Variants in MBNL1 observed in about 807,000 individuals in gnomAD.
MBNL1 encodes the protein muscleblind like splicing regulator 1, also known as muscleblind-like protein 1.
A neutral mutation model predicts 42.2 loss-of-function variants in MBNL1; 8 were observed. The ratio of observed to expected loss-of-function variants is 0.19; its 90% CI spans 0.11 to 0.34. The LOEUF is 0.34. Among genes scored for constraint, MBNL1 ranks in the 10% least tolerant of loss-of-function variants. The pLI is 1.00. For synonymous variants in MBNL1, 169 were observed against 173.9 expected (o/e 0.97, Z 0.22); for missense variants, 309 against 495.3 (o/e 0.62, Z 3.57).
At chr3:152,377,043 C>T (rs2096938150) in intron 2 of MBNL1, among the ~76,000 whole-genome samples, 2 of 152,022 alleles carry the variant, frequency 1.3e-5, no homozygotes, top group African/African-American at 4.8e-5. Flanking sequence ...AAAACAAAGC[C>T]CCAAAACTGT....
intron 2 of MBNL1, among the ~76,000 whole-genome samples, chr3:152,312,153 C>T (rs1449898631): frequency 7.2e-6 from 1 of 138,340 alleles, no homozygotes; most frequent in Non-Finnish European, 1.5e-5. Context: ...GATCCCGCCA[C>T]TGCACTCCAG....
At chr3:152,266,073 A>G (rs2037181593), upstream of MBNL1, 2 of 152,222 alleles carry the variant, frequency 1.3e-5, no homozygotes, top group Non-Finnish European at 2.9e-5. Flanking sequence ...TTTAAATATT[A>G]TCATTCATGT....
intron 1 of MBNL1, among the ~76,000 whole-genome samples, chr3:152,298,791 T>C (rs1190361720): frequency 6.6e-6 from 1 of 152,128 alleles, no homozygotes; most frequent in Non-Finnish European, 1.5e-5. Flanking sequence ...AACACCCCTT[T>C]CCTTTTTTAT....
At chr3:152,461,320 G>A (rs1745400622) in intron 9 of MBNL1, among the ~76,000 whole-genome samples, 1 of 152,138 alleles carries the variant, frequency 6.6e-6, no homozygotes, top group South Asian at 2.1e-4. Flanking sequence ...TTTTCTCAAA[G>A]CAGTTCTGAT....
intron 1 of MBNL1, among the ~76,000 whole-genome samples, chr3:152,271,323 A>C (rs115655529): frequency 6.6e-6 from 1 of 151,312 alleles, no homozygotes; most frequent in South Asian, 2.1e-4. Flanking sequence ...CTCCTGGGGG[A>C]AAAAAAAAGA....
rs2069563540 is a variant in MBNL1 at position 152,314,764 on chromosome 3, G to C, written c.174+14397G>C. On this transcript the variant is annotated intron_variant, in intron 2 of 9. Coordinates refer to ENST00000324210, the MANE Select transcript of MBNL1 (RefSeq NM_021038.5). ...AATAGGAGAGCATGTACTTTTTCCA[G>C]CAAGTGTAAAGGGGGAAACAAACAC... 2.0e-5 allele frequency among the ~76,000 whole-genome samples: 3 copies of C among 152,156 alleles called. No individual in the cohort carries two copies. The South Asian group carries it at 6.2e-4, about 32-fold the overall frequency.
intron 1 of MBNL1, among the ~76,000 whole-genome samples, chr3:152,288,416 C>T (rs1245630352): frequency 1.3e-5 from 2 of 152,262 alleles, no homozygotes; most frequent in East Asian, 3.9e-4. Flanking sequence ...GGAAAATATG[C>T]TTGGGCCTAC....
At position 152,463,328 on chromosome 3, in the gene MBNL1, A is replaced by G. The variant is rs1167962192; in HGVS notation, c.*962A>G. The G allele has an allele frequency of 6.6e-6, 1 of 152,326 alleles. No homozygotes were observed. The highest frequency in any genetic ancestry group is 3.2e-3 in the Middle Eastern group (1 of 316). 9.4% of individuals were successfully genotyped at this position (152,326 alleles called of 1,614,324 possible). Reference sequence around the variant, plus strand: ...GTAATATTTATGCATACTATACTGTATAACATGTTATTCAAAAGGGATTGC... The same window carrying G: ...GTAATATTTATGCATACTATACTGTGTAACATGTTATTCAAAAGGGATTGC... On this transcript the variant is annotated 3_prime_UTR_variant, in exon 10 of 10. Coordinates refer to ENST00000324210, the MANE Select transcript of MBNL1 (RefSeq NM_021038.5).
chr3:152,446,471 T>G (rs2153837715), intron 5 of MBNL1, among the ~76,000 whole-genome samples: 1 of 152,300 alleles, frequency 6.6e-6, no homozygotes, highest in East Asian at 1.9e-4. Context: ...TGTAATTAAC[T>G]ACAAAGAGGA....
chr3:152,315,156 G>T (rs1051207002), intron 2 of MBNL1, among the ~76,000 whole-genome samples: 2 of 152,336 alleles, frequency 1.3e-5, no homozygotes, highest in East Asian at 3.9e-4. Flanking sequence ...GAAAGTACAG[G>T]AGGACCTCTG....
At chr3:152,262,071 C>A (rs1438728048) in intron 2 of MBNL1, among the ~76,000 whole-genome samples, 1 of 152,154 alleles carries the variant, frequency 6.6e-6, no homozygotes, top group Non-Finnish European at 1.5e-5. Context: ...ACTATGAACA[C>A]CTTGCAAAAG....
At chr3:152,426,268 G>A (rs1028042285) in intron 3 of MBNL1, among the ~76,000 whole-genome samples, 1 of 152,060 alleles carries the variant, frequency 6.6e-6, no homozygotes, top group African/African-American at 2.4e-5. Flanking sequence ...GATGAGTGCA[G>A]CAAACCACCA....
chr3:152,315,501 T>C (rs974646082), intron 2 of MBNL1, among the ~76,000 whole-genome samples: 1 of 152,168 alleles, frequency 6.6e-6, no homozygotes, highest in Non-Finnish European at 1.5e-5. Flanking sequence ...ATCTGATGAG[T>C]TCTTTTTGCT....
intron 3 of MBNL1, among the ~76,000 whole-genome samples, chr3:152,425,737 G>A (rs1036423871): frequency 2.0e-4 from 30 of 152,162 alleles, no homozygotes; most frequent in African/African-American, 7.0e-4. Flanking sequence ...AAATAGGAAT[G>A]CTTTTACACT....
At position 152,447,623 on chromosome 3, in the gene MBNL1, A is replaced by G. The variant is rs2153866867; in HGVS notation, c.811A>G (p.Ile271Val). ...TTTATACTCATTCACTAAACAGGGAATTCCTCAAGCTGTACTTCCCCCATT... is the reference window on the plus strand; with the variant it reads ...TTTATACTCATTCACTAAACAGGGAGTTCCTCAAGCTGTACTTCCCCCATT... ...QAAATAAAMG[I>V]PQAVLPPLPK... is the part of the protein sequence containing the mutation. The change falls in exon 6 of 10, where the codon ATT becomes GTT. Residue 271 changes from isoleucine (I) to valine (V), a missense_variant. Transcript: ENST00000324210. 1 of 1,612,512 alleles carries G rather than the reference A, an allele frequency of 6.2e-7. No individual in the cohort carries two copies. Among genetic ancestry groups the G allele is most frequent in the Middle Eastern group, 1.7e-4 (1 of 6,052 alleles).
chr3:152,302,000 C>T (rs2060905030), intron 2 of MBNL1: 1 of 152,214 alleles, frequency 6.6e-6, no homozygotes, highest in South Asian at 2.1e-4. Flanking sequence ...AGAAGACCTG[C>T]TTCTACAACA....
chr3:152,431,827 CAA>C (rs776907123), intron 3 of MBNL1, among the ~76,000 whole-genome samples: 13 of 152,106 alleles, frequency 8.5e-5, no homozygotes, highest in Non-Finnish European at 1.9e-4. Context: ...ACTAGAAAAA[CAA>C]ATTGTTAGAT....
At position 152,464,737 on chromosome 3, in the gene MBNL1, G is replaced by A. The variant is rs560133378; in HGVS notation, c.*2371G>A. On this transcript the variant is annotated 3_prime_UTR_variant, in exon 10 of 10. Coordinates refer to ENST00000324210, the MANE Select transcript of MBNL1 (RefSeq NM_021038.5). The stretch of plus-strand genomic sequence containing the variant: ...AAGTTTACGTAATGAAAATTATAGC[G>A]TGTGTGCAAACTCTTGAGGGTTGAT... 2.6e-5 allele frequency: 4 copies of A among 152,682 alleles called. No homozygotes were observed. The highest frequency in any genetic ancestry group is 2.1e-4 in the South Asian group (1 of 4,832). The allele number at this position is 152,682 out of a possible 1,614,324, so 9.5% of individuals were successfully genotyped here.
chr3:152,301,917 A>C (rs1348936363), intron 2 of MBNL1: 2 of 152,198 alleles, frequency 1.3e-5, no homozygotes, highest in South Asian at 2.1e-4. Flanking sequence ...TTAATCCTAC[A>C]GACAGTTGAT....
Sources: allele counts gnomAD v4.1 joint callset (sites outside exome capture counted in the v4.1 genomes callset), GRCh38; gene constraint gnomAD v4.1.1; transcripts MANE v1.5; gene names NCBI Gene and HGNC (gene_info 2026-07-23, HGNC 2026-07-21).